Variants in GNPTAB observed in about 807,000 individuals in gnomAD.
GNPTAB encodes the protein N-acetylglucosamine-1-phosphotransferase subunits alpha/beta.
Under a neutral mutation model 136.6 loss-of-function variants are expected in GNPTAB, and 92 were observed. That is an observed-to-expected ratio of 0.67 (90% CI 0.57 to 0.80). GNPTAB has a LOEUF of 0.80. Among genes scored for constraint, GNPTAB ranks in the 30% least tolerant of loss-of-function variants. The probability of loss-of-function intolerance (pLI) is 0.00; values close to 1 mark genes in which losing one functional copy is unlikely to be tolerated. For missense variants in GNPTAB, 1,343 were observed against 1,501.8 expected (o/e 0.89, Z 1.75); for synonymous variants, 512 against 535.1 (o/e 0.96, Z 0.60).
chr12:101,795,077 G>T (rs1227458502), intron 2 of GNPTAB, among the ~76,000 whole-genome samples: 1 of 152,032 alleles, frequency 6.6e-6, no homozygotes, highest in Non-Finnish European at 1.5e-5. Flanking sequence ...CTTTCCTTAG[G>T]GAAATTAACT....
chr12:101,809,756 A>C (rs1870120444), intron 1 of GNPTAB, among the ~76,000 whole-genome samples: 1 of 152,212 alleles, frequency 6.6e-6, no homozygotes, highest in African/African-American at 2.4e-5. Flanking sequence ...GAAGGAGAAG[A>C]TGGGAATGAA....
chr12:101,814,665 C>G (rs571716170), intron 1 of GNPTAB, among the ~76,000 whole-genome samples: 1 of 152,048 alleles, frequency 6.6e-6, no homozygotes, highest in East Asian at 1.9e-4. Context: ...TCACTGCACT[C>G]CAGCCTGGGC....
intron 1 of GNPTAB, among the ~76,000 whole-genome samples, chr12:101,828,697 AAAC>A (rs1435802578): frequency 1.3e-5 from 2 of 151,332 alleles, no homozygotes; most frequent in African/African-American, 4.9e-5. Flanking sequence ...CTCAAAAAAC[AAAC>A]AAAAAAAAAA....
chr12:101,798,908 G>A (rs1024934473), intron 1 of GNPTAB, among the ~76,000 whole-genome samples: 1 of 152,178 alleles, frequency 6.6e-6, no homozygotes, highest in African/African-American at 2.4e-5. Context: ...TAGTGCCGAT[G>A]GAAGTGCTCC....
chr12:101,780,247 C>G lies in GNPTAB; in HGVS notation c.676G>C (p.Asp226His). 1.2e-6 allele frequency: 2 copies of G among 1,613,860 alleles called. No individual in the cohort carries two copies. The highest frequency in any genetic ancestry group is 8.5e-7 in the Non-Finnish European group (1 of 1,179,756). The stretch of plus-strand genomic sequence containing the variant: ...GGAAATCCACTCAGGAAAGCCAAAT[C>G]TTGCATTAGCACTAATCCAGGGACT... ...KEVPGLVLMQ[D>H]LAFLSGFPPT... The change falls in exon 7 of 21, where the codon GAT (aspartate) becomes CAT (histidine). Residue 226 changes from aspartate (D) to histidine (H), a missense_variant. Coordinates refer to ENST00000299314, the MANE Select transcript of GNPTAB (RefSeq NM_024312.5).
chr12:101,759,967 T>G (rs1952966659), intron 16 of GNPTAB, 63 bp downstream of exon 16: 2 of 964,590 alleles, frequency 2.1e-6, no homozygotes, highest in South Asian at 1.3e-5. Flanking sequence ...ACAGAAATGC[T>G]GTAAGTAACA....
At position 101,757,197 on chromosome 12, in the gene GNPTAB, T is replaced by C. The variant is rs565505799; in HGVS notation, c.3434+15A>G. 2.1e-5 allele frequency: 27 copies of C among 1,313,728 alleles called. No homozygotes were observed. In the African/African-American group the frequency reaches 2.6e-4, roughly 13 times the overall value. The allele number at this position is 1,313,728 out of a possible 1,614,324, so 81.4% of individuals were successfully genotyped here. A position where few individuals can be genotyped will look rare whatever the true frequency, so the allele number is the denominator to read the frequency against. ...TTTATTTGCATAATTAAAAATTATA[T>C]ATAAAAATCAGTACCTAGGGTTTTT... is the stretch of plus-strand genomic sequence containing the variant. On this transcript the variant is annotated intron_variant, in intron 18 of 20. Coordinates refer to ENST00000299314, the MANE Select transcript of GNPTAB (RefSeq NM_024312.5).
Position 101,768,063 on chromosome 12 carries a change from C to A in GNPTAB, c.1382G>T (p.Cys461Phe). ...YCDKACNNSA[C>F]DWDGGDCSGN... is the part of the protein sequence containing the mutation. ...AGAGCAATCCCCACCATCCCAATCGCAGGCTGAATTATTACAAGCCTTGTC... is the reference window on the plus strand; with the variant it reads ...AGAGCAATCCCCACCATCCCAATCGAAGGCTGAATTATTACAAGCCTTGTC... Residue 461 changes from cysteine to phenylalanine, a missense_variant, in exon 11 of 21, where the codon TGC (cysteine) becomes TTC (phenylalanine). Transcript: ENST00000299314. 1.2e-6 allele frequency: 2 copies of A among 1,614,164 alleles called. No individual in the cohort carries two copies. The highest frequency in any genetic ancestry group is 1.7e-6 in the Non-Finnish European group (2 of 1,179,986).
chr12:101,752,404 G>A (rs1273668020), intron 19 of GNPTAB, among the ~76,000 whole-genome samples: 1 of 152,192 alleles, frequency 6.6e-6, no homozygotes, highest in Non-Finnish European at 1.5e-5. Flanking sequence ...CAGCCTGGGT[G>A]ACAGAGCAAG....
At chr12:101,766,619 C>T (rs897598135) in intron 11 of GNPTAB, among the ~76,000 whole-genome samples, 1 of 152,150 alleles carries the variant, frequency 6.6e-6, no homozygotes, top group African/African-American at 2.4e-5. Context: ...GCCTGGGCAA[C>T]AAGAGTGAAA....
intron 1 of GNPTAB, 146 bp downstream of exon 1, chr12:101,830,413 T>C: frequency 3.2e-6 from 2 of 630,564 alleles, no homozygotes; most frequent in Non-Finnish European, 2.9e-6. Context: ...TCGCCTGAGC[T>C]CAGGAGTTCG....
intron 15 of GNPTAB, 78 bp downstream of exon 15, chr12:101,761,049 G>T (rs531463265): frequency 7.6e-6 from 8 of 1,049,700 alleles, no homozygotes; most frequent in African/African-American, 3.2e-5. Context: ...TGGGATTACA[G>T]GTGTGAGCCA....
intron 20 of GNPTAB, among the ~76,000 whole-genome samples, 171 bp downstream of exon 20, chr12:101,748,930 T>C (rs1489846689): frequency 6.6e-6 from 1 of 152,236 alleles, no homozygotes; most frequent in Non-Finnish European, 1.5e-5. Context: ...AAGACTGTTA[T>C]ATTTGCTGCC....
chr12:101,805,729 A>G (rs1380484778), intron 1 of GNPTAB, among the ~76,000 whole-genome samples: 1 of 152,192 alleles, frequency 6.6e-6, no homozygotes, highest in Non-Finnish European at 1.5e-5. Context: ...GGCCATTTAA[A>G]AAAATTGCTC....
At chr12:101,776,418 A>T (rs1391378434) in intron 7 of GNPTAB, among the ~76,000 whole-genome samples, 4 of 152,250 alleles carry the variant, frequency 2.6e-5, no homozygotes, top group Admixed American at 1.3e-4. Flanking sequence ...TAAAGGACCC[A>T]CCTCAAGGTA....
chr12:101,785,947 C>T (rs1025127220), intron 5 of GNPTAB, 65 bp downstream of exon 5: 1 of 1,197,878 alleles, frequency 8.3e-7, no homozygotes, highest in African/African-American at 1.5e-5. Context: ...CTATTCCACT[C>T]AGAATTTTGT....
chr12:101,801,087 G>T (rs140603632), intron 1 of GNPTAB, among the ~76,000 whole-genome samples: 1,540 of 151,312 alleles, frequency 0.01, 20 homozygotes, highest in African/African-American at 0.036. Flanking sequence ...TAAAAAATTG[G>T]CCAGGCATGG....
At chr12:101,793,610 T>C (rs548565951) in intron 2 of GNPTAB, among the ~76,000 whole-genome samples, 1 of 152,308 alleles carries the variant, frequency 6.6e-6, no homozygotes, top group African/African-American at 2.4e-5. Context: ...ACTAGACCAC[T>C]ATCTTGGTTC....
At chr12:101,777,100 A>C (rs1474026934) in intron 7 of GNPTAB, among the ~76,000 whole-genome samples, 1 of 151,926 alleles carries the variant, frequency 6.6e-6, no homozygotes, top group African/African-American at 2.4e-5. Context: ...AGAAAGGTCC[A>C]CCTCCCCTTT....
Sources: gnomAD v4.1 joint callset for allele counts (sites outside exome capture counted in the v4.1 genomes callset) on GRCh38, gnomAD v4.1.1 for gene constraint, MANE v1.5 for transcripts, NCBI Gene and HGNC (gene_info 2026-07-23, HGNC 2026-07-21) for gene names.